The following CDH13 variants were observed in gnomAD, a reference collection of about 807,000 sequenced individuals.
CDH13 encodes the protein cadherin-13.
Under a neutral mutation model 63.8 loss-of-function variants are expected in CDH13, and 24 were observed. That is an observed-to-expected ratio of 0.38 (90% CI 0.27 to 0.53). The LOEUF (loss-of-function observed/expected upper bound fraction) is 0.53, where lower values mean the gene tolerates loss of function less well. Ranked by LOEUF, CDH13 falls within the 20% of genes least tolerant of loss-of-function variation. CDH13 has a pLI of 0.85. For synonymous variants in CDH13, 503 were observed against 355.3 expected (o/e 1.42, Z -4.67); for missense variants, 1,049 against 903.1 (o/e 1.16, Z -2.07).
intron 5 of CDH13, among the ~76,000 whole-genome samples, chr16:83,284,000 G>C (rs993999622): frequency 1.3e-5 from 2 of 152,164 alleles, no homozygotes; most frequent in Non-Finnish European, 2.9e-5. Context: ...GGATAGACAT[G>C]TATCTTTACA....
intron 2 of CDH13, among the ~76,000 whole-genome samples, chr16:82,994,826 A>G (rs1912029244): frequency 1.3e-5 from 2 of 152,146 alleles, no homozygotes; most frequent in South Asian, 4.1e-4. Flanking sequence ...ATTTCAGACC[A>G]CTATTAATAC....
chr16:83,524,445 C>CTT (rs150233410), intron 7 of CDH13, among the ~76,000 whole-genome samples: 5 of 59,276 alleles, frequency 8.4e-5, no homozygotes, highest in East Asian at 6.1e-4. Flanking sequence ...TTTCTTTTTT[C>CTT]TTTTTTTTTT....
intron 1 of CDH13, among the ~76,000 whole-genome samples, chr16:82,831,687 C>A (rs1198539605): frequency 6.6e-6 from 1 of 152,188 alleles, no homozygotes; most frequent in South Asian, 2.1e-4. Flanking sequence ...AACAAATTCT[C>A]AGATACAAAT....
At chr16:82,724,814 A>G (rs774139725) in intron 1 of CDH13, among the ~76,000 whole-genome samples, 1 of 152,196 alleles carries the variant, frequency 6.6e-6, no homozygotes, top group Non-Finnish European at 1.5e-5. Flanking sequence ...GGACAAGAGC[A>G]GGGATGATTG....
intron 7 of CDH13, among the ~76,000 whole-genome samples, chr16:83,575,312 A>G (rs1905007207): frequency 6.6e-6 from 1 of 152,248 alleles, no homozygotes; most frequent in Non-Finnish European, 1.5e-5. Flanking sequence ...CACTATGTGA[A>G]TTATATCTCA....
At chr16:83,612,508 A>T in intron 8 of CDH13, among the ~76,000 whole-genome samples, 1 of 152,054 alleles carries the variant, frequency 6.6e-6, no homozygotes, top group South Asian at 2.1e-4. Flanking sequence ...ATTTACATTT[A>T]ATGCAAGTAC....
intron 1 of CDH13, among the ~76,000 whole-genome samples, chr16:82,762,776 C>G (rs1169102889): frequency 6.6e-6 from 1 of 152,142 alleles, no homozygotes; most frequent in African/African-American, 2.4e-5. Flanking sequence ...GAGAAGAGTT[C>G]TGCTGTCTTT....
At chr16:82,922,759 G>A (rs2042195351) in intron 2 of CDH13, among the ~76,000 whole-genome samples, 1 of 152,096 alleles carries the variant, frequency 6.6e-6, no homozygotes, top group Non-Finnish European at 1.5e-5. Flanking sequence ...GTGCCCGAGA[G>A]GAAAATAAAA....
chr16:83,761,742 T>C (rs145424598), intron 11 of CDH13, among the ~76,000 whole-genome samples: 286 of 152,360 alleles, frequency 1.9e-3, no homozygotes, highest in African/African-American at 6.6e-3. Flanking sequence ...AGCTTTAGGC[T>C]AACTTGATTT....
intron 2 of CDH13, among the ~76,000 whole-genome samples, chr16:83,018,304 A>G (rs1349800982): frequency 2.0e-5 from 3 of 152,222 alleles, no homozygotes; most frequent in Non-Finnish European, 2.9e-5. Context: ...GCTAAGTATC[A>G]TGAAAATAGA....
At chr16:83,099,340 T>A (rs1026444034) in intron 3 of CDH13, among the ~76,000 whole-genome samples, 4 of 152,196 alleles carry the variant, frequency 2.6e-5, no homozygotes, top group Admixed American at 2.0e-4. Context: ...ACATTTTTTT[T>A]AAGATGGAGT....
chr16:82,706,077 C>T lies in CDH13; in HGVS notation c.45+78940C>T, dbSNP rs148793548. 6.9e-4 allele frequency among the ~76,000 whole-genome samples: 105 copies of T among 151,148 alleles called. 1 individual carries two copies. The highest frequency in any genetic ancestry group is 2.4e-3 in the African/African-American group (98 of 41,420). On this transcript the variant is annotated intron_variant, in intron 1 of 13. Coordinates refer to ENST00000567109, the MANE Select transcript of CDH13 (RefSeq NM_001257.5). ...CTTCTTCCTTATTCTCTCTCTTCCT[C>T]CCTTTCTTCTTCATCTTCCTGTCTT...
intron 4 of CDH13, among the ~76,000 whole-genome samples, chr16:83,158,587 A>G (rs1439991189): frequency 6.6e-6 from 1 of 152,192 alleles, no homozygotes; most frequent in Non-Finnish European, 1.5e-5. Flanking sequence ...CTGTTCAGAA[A>G]GTCGTGGAGG....
At position 82,899,478 on chromosome 16, in the gene CDH13, G is replaced by C. The variant is rs567980528; in HGVS notation, c.157+41005G>C. Among the ~76,000 whole-genome samples the C allele has an allele frequency of 6.0e-4, 91 of 152,140 alleles. 1 individual carries two copies. The South Asian group carries it at 0.017, about 29-fold the overall frequency. On this transcript the variant is annotated intron_variant, in intron 2 of 13. Transcript: ENST00000567109. ...GAATCCTTATGTTATCTAAAGCTCA[G>C]TTTCAGATTTGTTTGATGATAACGA...
chr16:83,481,016 C>T (rs1161099185), intron 6 of CDH13, among the ~76,000 whole-genome samples: 2 of 152,154 alleles, frequency 1.3e-5, no homozygotes, highest in African/African-American at 4.8e-5. Context: ...TTAGATCATT[C>T]GGTCACAGAA....
chr16:83,319,670 C>G (rs2090179066), intron 5 of CDH13, among the ~76,000 whole-genome samples: 1 of 152,136 alleles, frequency 6.6e-6, no homozygotes, highest in South Asian at 2.1e-4. Context: ...TTTCATAAAA[C>G]ATCATGTCAT....
chr16:82,747,055 G>A (rs546020303), intron 1 of CDH13, among the ~76,000 whole-genome samples: 3 of 152,204 alleles, frequency 2.0e-5, no homozygotes, highest in South Asian at 4.1e-4. Flanking sequence ...CTAAGACAAT[G>A]TGATTGATAC....
intron 6 of CDH13, among the ~76,000 whole-genome samples, chr16:83,384,624 A>T (rs2091636436): frequency 6.6e-6 from 1 of 152,190 alleles, no homozygotes; most frequent in South Asian, 2.1e-4. Context: ...TCACTCTGGC[A>T]CTTGCATGTG....
At chr16:83,081,484 C>A (rs78492089) in intron 3 of CDH13, among the ~76,000 whole-genome samples, 3 of 152,152 alleles carry the variant, frequency 2.0e-5, no homozygotes, top group Admixed American at 2.0e-4. Context: ...ACAGAGTGTA[C>A]CACTTCAGAG....
Sources: allele counts gnomAD v4.1 joint callset (sites outside exome capture counted in the v4.1 genomes callset), GRCh38; gene constraint gnomAD v4.1.1; transcripts MANE v1.5; gene names NCBI Gene and HGNC (gene_info 2026-07-23, HGNC 2026-07-21).